Variants in VIPR2 observed in about 807,000 individuals in gnomAD.
The protein encoded by VIPR2 is vasoactive intestinal polypeptide receptor 2.
VIPR2 carries 48 observed loss-of-function variants against 58.0 expected under a neutral mutation model. The observed-to-expected ratio is 0.83, with a 90% CI of 0.66 to 1.05. The LOEUF (loss-of-function observed/expected upper bound fraction) is 1.05, where lower values mean the gene tolerates loss of function less well. Ranked by LOEUF, VIPR2 falls within the 50% of genes least tolerant of loss-of-function variation. The pLI is 0.00. For missense variants in VIPR2, 534 were observed against 558.0 expected (o/e 0.96, Z 0.43); for synonymous variants, 243 against 235.2 (o/e 1.03, Z -0.30).
intron 4 of VIPR2, among the ~76,000 whole-genome samples, chr7:159,072,114 CCGGCAGG>C: frequency 6.7e-6 from 1 of 148,648 alleles, no homozygotes; most frequent in Admixed American, 6.7e-5. Context: ...CACGATGGTA[CCGGCAGG>C]TAAGAAAACA....
intron 2 of VIPR2, among the ~76,000 whole-genome samples, chr7:159,122,721 T>G (rs1796500935): frequency 1.3e-5 from 2 of 152,198 alleles, no homozygotes; most frequent in Admixed American, 1.3e-4. Context: ...TAACAGAGTT[T>G]GTAGAAAAAC....
Position 159,031,550 on chromosome 7 carries a change from C to T in VIPR2, c.1143+278G>A. ...GGGGAAAAACAGATTCTGTCTAGAC[C>T]CGGCCGGGAGCTTTCCCGAGAGGGC... On this transcript the variant is annotated intron_variant, in intron 12 of 12. Transcript: ENST00000262178. The surrounding 1 kb of genome is among the most constrained non-coding windows in gnomAD (Gnocchi z 4.0). 2 of 985,346 alleles carry T rather than the reference C, an allele frequency of 2.0e-6. No individual in the cohort carries two copies. The highest frequency in any genetic ancestry group is 2.4e-6 in the Non-Finnish European group (2 of 829,912). The allele number at this position is 985,346 out of a possible 1,614,324, so 61.0% of individuals were successfully genotyped here.
chr7:159,084,432 G>A (rs909212249), intron 4 of VIPR2, among the ~76,000 whole-genome samples: 1 of 152,230 alleles, frequency 6.6e-6, no homozygotes, highest in Admixed American at 6.5e-5. Context: ...GGGGCCCCTG[G>A]CGCAGCATTT....
At chr7:159,056,077 C>T (rs1855312573) in intron 5 of VIPR2, among the ~76,000 whole-genome samples, 1 of 152,200 alleles carries the variant, frequency 6.6e-6, no homozygotes, top group African/African-American at 2.4e-5. Context: ...TGTCCAGCGA[C>T]CTTCCTGGGG....
At chr7:159,047,796 C>A (rs1035911215) in intron 5 of VIPR2, among the ~76,000 whole-genome samples, 2 of 152,132 alleles carry the variant, frequency 1.3e-5, no homozygotes, top group Non-Finnish European at 2.9e-5. Flanking sequence ...GTGTTCTTTG[C>A]AAATGCTTGG....
intron 2 of VIPR2, among the ~76,000 whole-genome samples, chr7:159,137,398 T>C (rs1342161721): frequency 6.6e-6 from 1 of 152,208 alleles, no homozygotes; most frequent in African/African-American, 2.4e-5. Flanking sequence ...AGAGACAGCT[T>C]CTTGCTCTGT....
intron 2 of VIPR2, among the ~76,000 whole-genome samples, chr7:159,140,752 G>A (rs7780287): frequency 0.017 from 2,534 of 152,292 alleles, 80 homozygotes; most frequent in African/African-American, 0.057. Flanking sequence ...GGGACCTGCG[G>A]CCCCTAGCGC....
intron 6 of VIPR2, among the ~76,000 whole-genome samples, chr7:159,038,334 C>T (rs1369376334): frequency 2.0e-5 from 3 of 152,150 alleles, no homozygotes; most frequent in Non-Finnish European, 2.9e-5. Flanking sequence ...AGACACTGCA[C>T]AGGTGAGAGT....
At chr7:159,135,032 A>ATTTTTTTTTTTTTT (rs1797155596) in intron 2 of VIPR2, among the ~76,000 whole-genome samples, 6 of 17,392 alleles carry the variant, frequency 3.4e-4, no homozygotes, top group Non-Finnish European at 5.9e-4. Context: ...TTTTTTTTTA[A>ATTTTTTTTTTTTTT]CATTTTAAGT....
intron 4 of VIPR2, among the ~76,000 whole-genome samples, chr7:159,061,515 T>C (rs1175473448): frequency 1.3e-5 from 2 of 151,748 alleles, no homozygotes; most frequent in African/African-American, 4.8e-5. Context: ...TAGCCGGGTG[T>C]GGCTGTGTGT....
chr7:159,030,802 G>A lies in VIPR2; in HGVS notation c.1144-13C>T. 1 of 1,556,536 alleles carries A rather than the reference G, an allele frequency of 6.4e-7. No homozygotes were observed. Among genetic ancestry groups the A allele is most frequent in the Non-Finnish European group, 8.7e-7 (1 of 1,149,118 alleles). ...GCTCGCACTGCACCTGGGAGGTGAG[G>A]GCAGCGGGAACGCCCGTGAGCCTGG... On this transcript the variant is annotated splice_polypyrimidine_tract_variant and intron_variant, in intron 12 of 12. Transcript: ENST00000262178.
At chr7:159,144,628 G>A (rs1797617168) in intron 1 of VIPR2, 93 bp downstream of exon 1, 6 of 1,384,170 alleles carry the variant, frequency 4.3e-6, no homozygotes, top group Non-Finnish European at 3.8e-6. Context: ...CAGCACCCGG[G>A]AGGAAGGCGA....
intron 4 of VIPR2, among the ~76,000 whole-genome samples, chr7:159,065,308 C>G (rs1287111096): frequency 6.6e-6 from 1 of 152,188 alleles, no homozygotes; most frequent in African/African-American, 2.4e-5. Flanking sequence ...GTGGCTGCTA[C>G]AGGAGGAGCC....
chr7:159,085,438 G>C (rs1403449773), intron 4 of VIPR2, among the ~76,000 whole-genome samples: 3 of 152,190 alleles, frequency 2.0e-5, no homozygotes, highest in Non-Finnish European at 1.5e-5. Flanking sequence ...TGGAACTACA[G>C]GCACGTGCCA....
chr7:159,079,392 G>A (rs1276275115), intron 4 of VIPR2, among the ~76,000 whole-genome samples: 4 of 152,026 alleles, frequency 2.6e-5, no homozygotes, highest in Non-Finnish European at 5.9e-5. Flanking sequence ...ACGAAATGAA[G>A]GCAGAAATAA....
intron 3 of VIPR2, among the ~76,000 whole-genome samples, chr7:159,104,854 T>C (rs1858553052): frequency 6.7e-6 from 1 of 148,402 alleles, no homozygotes; most frequent in African/African-American, 2.6e-5. Flanking sequence ...GGCCAGGCCC[T>C]CACCACCAAC....
chr7:159,108,870 GTGAC>G (rs1461401387), intron 3 of VIPR2, among the ~76,000 whole-genome samples: 37 of 152,220 alleles, frequency 2.4e-4, no homozygotes, highest in African/African-American at 7.7e-4. Context: ...GTTCTCTAAA[GTGAC>G]TTAGGTTCTA....
intron 5 of VIPR2, among the ~76,000 whole-genome samples, chr7:159,052,591 T>C (rs1585369138): frequency 6.6e-6 from 1 of 152,256 alleles, no homozygotes; most frequent in East Asian, 1.9e-4. Context: ...GATTGACTCA[T>C]GGGAAAGGAA....
Position 159,101,103 on chromosome 7 carries a change from G to A in VIPR2, c.357+2654C>T, listed in dbSNP as rs561469257. 1.2e-3 allele frequency among the ~76,000 whole-genome samples: 170 copies of A among 145,438 alleles called. 4 individuals are homozygous for A. Among genetic ancestry groups the A allele is most frequent in the African/African-American group, 4.3e-3 (158 of 36,686 alleles). ...GTAGTGAACGGGTCTCACGAGATCC[G>A]ACGAGGCGGTTCCGACTGTTCCTGT... On this transcript the variant is annotated intron_variant, in intron 4 of 12. Coordinates refer to ENST00000262178, the MANE Select transcript of VIPR2 (RefSeq NM_003382.5).
Sources: allele counts gnomAD v4.1 joint callset (sites outside exome capture counted in the v4.1 genomes callset), GRCh38; gene constraint gnomAD v4.1.1; non-coding constraint Gnocchi (gnomAD v3.1); transcripts MANE v1.5; gene names NCBI Gene and HGNC (gene_info 2026-07-23, HGNC 2026-07-21).